HERC2: variants seen among roughly 807,000 people sequenced by gnomAD.
The protein encoded by HERC2 is HECT and RLD domain containing E3 ubiquitin protein ligase 2, also known as E3 ubiquitin-protein ligase HERC2.
In HERC2, 102 loss-of-function variants were observed where a neutral mutation model predicts 537.7. The ratio of observed to expected loss-of-function variants is 0.19; its 90% CI spans 0.16 to 0.22. The LOEUF (loss-of-function observed/expected upper bound fraction) is 0.22. Ranked by LOEUF, HERC2 falls within the 10% of genes least tolerant of loss-of-function variation. The pLI is 1.00. For synonymous variants in HERC2, 2,224 were observed against 2,466.2 expected (o/e 0.90, Z 2.91); for missense variants, 4,236 against 6,198.2 (o/e 0.68, Z 10.63).
intron 52 of HERC2, 106 bp from the exon 53 acceptor site, chr15:28,192,257 G>C: frequency 1.0e-6 from 1 of 985,380 alleles, no homozygotes; most frequent in Non-Finnish European, 1.5e-6. Flanking sequence ...AAAATAGAAA[G>C]TTTCAAACTG....
rs1385150650 is a variant in HERC2 at position 28,135,611 on chromosome 15, A to G, written c.12097T>C (p.Ser4033Pro). 7 of 1,614,014 alleles carry G rather than the reference A, an allele frequency of 4.3e-6. No individual in the cohort carries two copies. The highest frequency in any genetic ancestry group is 4.0e-5 in the African/African-American group (3 of 74,934). ...TTCTTAATAAACACATGCTGAATGG[A>G]TTCAAGCAATGTTGGGGTGGACACC... The part of the protein sequence containing the change: ...ESVSTPTLLE[S>P]IQHVFIKKVA... Residue 4033 changes from serine (S) to proline (P), a missense_variant, in exon 79 of 93, where the codon TCC becomes CCC. Physicochemically the swap from Ser to Pro is moderately conservative, Grantham distance 74. Transcript: ENST00000261609.
At position 28,168,469 on chromosome 15, in the gene HERC2, A is replaced by C; in HGVS notation, c.10351T>G (p.Cys3451Gly). The change falls in exon 67 of 93, where the codon TGC becomes GGC. Residue 3451 changes from cysteine to glycine, a missense_variant. Transcript: ENST00000261609. ...AMASPMNGEE[C>G]MLAVDIEDRL... ...TCTTCGATATCAACAGCCAGCATGC[A>C]TTCTTCTCCATTCATGGGACTAGCC... is the stretch of plus-strand genomic sequence containing the variant. 6.2e-7 allele frequency: 1 copy of C among 1,614,192 alleles called. No homozygotes were observed. Among genetic ancestry groups the C allele is most frequent in the Non-Finnish European group, 8.5e-7 (1 of 1,180,038 alleles).
chr15:28,262,036 G>T (rs1398157677), intron 15 of HERC2, among the ~76,000 whole-genome samples: 3 of 152,128 alleles, frequency 2.0e-5, no homozygotes, highest in Non-Finnish European at 4.4e-5. Context: ...AATACAATCT[G>T]GTCCTTTAAG....
At chr15:28,275,279 T>C (rs1378796130) in intron 5 of HERC2, among the ~76,000 whole-genome samples, 1 of 152,210 alleles carries the variant, frequency 6.6e-6, no homozygotes, top group Non-Finnish European at 1.5e-5. Context: ...CAAAGTGAGA[T>C]TCTACTGGGA....
At chr15:28,276,083 G>A (rs989575776) in intron 5 of HERC2, among the ~76,000 whole-genome samples, 6 of 149,710 alleles carry the variant, frequency 4.0e-5, no homozygotes, top group African/African-American at 1.5e-4. Context: ...GCTACTCGGA[G>A]GCTGAGGCAG....
intron 79 of HERC2, 24 bp downstream of exon 79, chr15:28,135,454 T>C: frequency 1.3e-6 from 2 of 1,566,028 alleles, no homozygotes; most frequent in South Asian, 1.1e-5. Flanking sequence ...AATAGAATGT[T>C]GAAATAATTT....
intron 20 of HERC2, 66 bp from the exon 21 acceptor site, chr15:28,248,802 G>A: frequency 3.1e-6 from 4 of 1,288,432 alleles, no homozygotes; most frequent in South Asian, 1.3e-5. Context: ...AAATGGGATG[G>A]GGTAAATCAT....
intron 21 of HERC2, among the ~76,000 whole-genome samples, chr15:28,247,890 T>C (rs1379953764): frequency 6.6e-6 from 1 of 152,160 alleles, no homozygotes; most frequent in East Asian, 1.9e-4. Context: ...AAAAAACAGC[T>C]ACAAAATTAC....
intron 52 of HERC2, among the ~76,000 whole-genome samples, chr15:28,194,764 A>G (rs1284488444): frequency 1.3e-5 from 2 of 152,162 alleles, no homozygotes; most frequent in Non-Finnish European, 2.9e-5. Flanking sequence ...TATAAAATGT[A>G]TAAAATTTTG....
chr15:28,219,077 T>A (rs960874361), intron 37 of HERC2, among the ~76,000 whole-genome samples: 5 of 152,222 alleles, frequency 3.3e-5, no homozygotes, highest in African/African-American at 1.2e-4. Context: ...AAGAATCTTT[T>A]AAATAATAAT....
intron 52 of HERC2, among the ~76,000 whole-genome samples, chr15:28,195,115 C>G (rs1304596674): frequency 6.6e-6 from 1 of 151,342 alleles, no homozygotes; most frequent in African/African-American, 2.4e-5. Flanking sequence ...GATAAATGAT[C>G]TTAAAGAGAA....
Position 28,198,349 on chromosome 15 carries a change from C to G in HERC2, c.8011+29G>C, listed in dbSNP as rs1462935965. 8.1e-6 allele frequency: 13 copies of G among 1,604,266 alleles called. No individual in the cohort carries two copies. In the South Asian group the frequency reaches 1.0e-4, roughly 12 times the overall value. On this transcript the variant is annotated intron_variant, in intron 50 of 92. Transcript: ENST00000261609. ...ACATGCGTTAATGAAAAGTTAACAT[C>G]AGGAATTTTATTACCCAGATAATAT...
At chr15:28,204,430 G>C (rs927397739) in intron 45 of HERC2, among the ~76,000 whole-genome samples, 1 of 152,118 alleles carries the variant, frequency 6.6e-6, no homozygotes, top group African/African-American at 2.4e-5. Flanking sequence ...GACCAGCCTG[G>C]CCAACATGGT....
chr15:28,294,515 A>G lies in HERC2; in HGVS notation c.188-1493T>C, dbSNP rs559600814. ...CTGCCTTGACATTGGTAAAATCAAG[A>G]AGGCCTCAAATAGCCTAACCACAAG... On this transcript the variant is annotated intron_variant, in intron 3 of 92. Transcript: ENST00000261609. Among the ~76,000 whole-genome samples the G allele has an allele frequency of 1.1e-4, 17 of 149,704 alleles. No individual in the cohort carries two copies. In the South Asian group the frequency reaches 2.6e-3, roughly 23 times the overall value.
At chr15:28,292,226 T>A (rs2076335477) in intron 4 of HERC2, among the ~76,000 whole-genome samples, 7 of 50,746 alleles carry the variant, frequency 1.4e-4, no homozygotes, top group South Asian at 7.7e-4. Context: ...CCAAACTCCA[T>A]CTCCAAAAAA....
At chr15:28,128,604 A>C (rs1365424277) in intron 83 of HERC2, among the ~76,000 whole-genome samples, 1 of 152,214 alleles carries the variant, frequency 6.6e-6, no homozygotes, top group Non-Finnish European at 1.5e-5. Context: ...AATTCACCAA[A>C]GGCTTTAACG....
chr15:28,135,652 A>G lies in HERC2; in HGVS notation c.12056T>C (p.Ile4019Thr), dbSNP rs1890561415. Residue 4019 changes from isoleucine (I) to threonine (T), a missense_variant, in exon 79 of 93, where the codon ATT becomes ACT. Physicochemically the swap from Ile to Thr is moderately conservative, Grantham distance 89. Around this residue, in one of 27 missense-constraint regions of HERC2, gnomAD observed 43 missense variants for 82.6 expected, o/e 0.52. Coordinates refer to ENST00000261609, the MANE Select transcript of HERC2 (RefSeq NM_004667.6). Reference protein sequence around the residue: ...TGYGAGGRLGIGGTESVSTPT... With the variant: ...TGYGAGGRLGTGGTESVSTPT... ...GGTGGACACCGACTCTGTCCCTCCA[A>G]TGCCTAGTCTGCCACCTGCACCATA... 1 of 1,614,176 alleles carries G rather than the reference A, an allele frequency of 6.2e-7. No individual in the cohort carries two copies. Among genetic ancestry groups the G allele is most frequent in the South Asian group, 1.1e-5 (1 of 91,084 alleles).
chr15:28,169,494 T>C lies in HERC2; in HGVS notation c.10219A>G (p.Met3407Val), dbSNP rs746187983. ...LSHILTALQI[M>V]YARDAVVGAL... ...AGCACAGAAGCCTACCTGGCATACA[T>C]GATTTGCAATGCTGTAAGAATATGT... The change falls in exon 66 of 93, where the codon ATG (methionine) becomes GTG (valine). Residue 3407 changes from methionine to valine, a missense_variant. Physicochemically the swap from Met to Val is conservative, Grantham distance 21. This residue lies in a region of HERC2 where 356 missense variants were observed against 450.9 expected (regional missense o/e 0.79). Transcript: ENST00000261609. 4 of 1,587,022 alleles carry C rather than the reference T, an allele frequency of 2.5e-6. No homozygotes were observed. The highest frequency in any genetic ancestry group is 3.6e-5 in the Admixed American group (2 of 56,158).
chr15:28,260,992 G>T, intron 15 of HERC2, 22 bp from the exon 16 acceptor site: 1 of 1,589,850 alleles, frequency 6.3e-7, no homozygotes, highest in Non-Finnish European at 8.6e-7. Context: ...GAGGGATGCA[G>T]ATGCAGCTTC....
Sources: allele counts gnomAD v4.1 joint callset (sites outside exome capture counted in the v4.1 genomes callset), GRCh38; gene constraint gnomAD v4.1.1; regional missense constraint gnomAD v4.1.1; transcripts MANE v1.5; gene names NCBI Gene and HGNC (gene_info 2026-07-23, HGNC 2026-07-21).